Variants in P2RY14 observed in about 807,000 individuals in gnomAD.
The protein encoded by P2RY14 is P2Y purinoceptor 14.
Under a neutral mutation model 0.9 loss-of-function variants are expected in P2RY14, and 2 were observed. The observed-to-expected ratio is 2.16, with a 90% CI of 0.88 to 6.79. P2RY14 has a LOEUF of 6.79. Ranked by LOEUF, P2RY14 falls within the 30% of genes most tolerant of loss-of-function variation. P2RY14 has a pLI of 0.05. For synonymous variants in P2RY14, 158 were observed against 147.2 expected, an observed-to-expected ratio of 1.07 and a Z score of -0.53; for missense variants, 378 against 400.1, an observed-to-expected ratio of 0.94 and a Z score of 0.47.
intron 1 of P2RY14, among the ~76,000 whole-genome samples, chr3:151,242,233 A>C (rs1316423664): frequency 6.6e-6 from 1 of 152,250 alleles, no homozygotes; most frequent in Non-Finnish European, 1.5e-5. Flanking sequence ...GATTAGGTAA[A>C]CAAAGCAGCC....
chr3:151,214,617 CTCTTCCT>C (rs1053432164), intron 2 of P2RY14, among the ~76,000 whole-genome samples: 1 of 149,686 alleles, frequency 6.7e-6, no homozygotes, highest in African/African-American at 2.5e-5. Context: ...CTTTTCCCTC[CTCTTCCT>C]TCTTCCTTTT....
At chr3:151,222,818 A>T (rs923311471) in intron 1 of P2RY14, among the ~76,000 whole-genome samples, 1 of 152,166 alleles carries the variant, frequency 6.6e-6, no homozygotes, top group Non-Finnish European at 1.5e-5. Context: ...AAAGGTGATG[A>T]TGGTAAAATA....
chr3:151,230,164 C>T (rs541272327), intron 1 of P2RY14, among the ~76,000 whole-genome samples: 6 of 152,104 alleles, frequency 3.9e-5, no homozygotes, highest in African/African-American at 1.2e-4. Flanking sequence ...TTAGTAGAGA[C>T]GGGATTTCAC....
At chr3:151,266,788 A>G (rs1360853869) in intron 1 of P2RY14, among the ~76,000 whole-genome samples, 3 of 152,194 alleles carry the variant, frequency 2.0e-5, no homozygotes, top group African/African-American at 7.2e-5. Flanking sequence ...AAGAAAGACT[A>G]AGGTCAGAGC....
intron 1 of P2RY14, among the ~76,000 whole-genome samples, chr3:151,227,404 G>C (rs1027178260): frequency 3.3e-5 from 5 of 151,898 alleles, no homozygotes; most frequent in South Asian, 2.1e-4. Context: ...TCTTGATTAT[G>C]TGTGAGAATG....
intron 1 of P2RY14, among the ~76,000 whole-genome samples, chr3:151,278,049 T>C (rs576136660): frequency 1.4e-4 from 22 of 152,238 alleles, no homozygotes; most frequent in Non-Finnish European, 2.9e-4. Context: ...ACAGCCACGA[T>C]TGGAAATCCT....
chr3:151,266,174 G>A (rs1430485463), intron 1 of P2RY14, among the ~76,000 whole-genome samples: 1 of 152,162 alleles, frequency 6.6e-6, no homozygotes, highest in Non-Finnish European at 1.5e-5. Context: ...TGATGCTGCT[G>A]CCTCTGTGCC....
At chr3:151,277,120 A>G (rs1314401126) in intron 1 of P2RY14, among the ~76,000 whole-genome samples, 1 of 151,534 alleles carries the variant, frequency 6.6e-6, no homozygotes, top group African/African-American at 2.4e-5. Flanking sequence ...GCTGGTCTTG[A>G]ACTCCTGACC....
chr3:151,258,087 T>G (rs1412358626), intron 1 of P2RY14, among the ~76,000 whole-genome samples: 1 of 152,214 alleles, frequency 6.6e-6, no homozygotes, highest in African/African-American at 2.4e-5. Context: ...CATTCCAATC[T>G]GTGGGTCCCT....
At chr3:151,238,080 G>A (rs940030592) in intron 1 of P2RY14, among the ~76,000 whole-genome samples, 8 of 152,080 alleles carry the variant, frequency 5.3e-5, no homozygotes, top group Admixed American at 4.6e-4. Context: ...TCTAACTAGT[G>A]CTTTTTGTAT....
chr3:151,267,054 T>C (rs1401175655), intron 1 of P2RY14, among the ~76,000 whole-genome samples: 1 of 152,220 alleles, frequency 6.6e-6, no homozygotes, highest in Admixed American at 6.5e-5. Flanking sequence ...TTTTCCTAAT[T>C]TAAAATTGTC....
At chr3:151,230,891 A>G (rs560981850) in intron 1 of P2RY14, among the ~76,000 whole-genome samples, 71 of 152,310 alleles carry the variant, frequency 4.7e-4, no homozygotes, top group Non-Finnish European at 8.2e-4. Flanking sequence ...CTGAAAGGAA[A>G]CAGGGCTCCT....
chr3:151,266,765 G>A (rs919456362), intron 1 of P2RY14, among the ~76,000 whole-genome samples: 29 of 152,204 alleles, frequency 1.9e-4, no homozygotes, highest in African/African-American at 6.5e-4. Flanking sequence ...GAAATAGTTA[G>A]CTGCCTGGTA....
intron 1 of P2RY14, among the ~76,000 whole-genome samples, chr3:151,243,116 T>C (rs897987194): frequency 6.6e-6 from 1 of 151,778 alleles, no homozygotes; most frequent in African/African-American, 2.4e-5. Context: ...TGGGGCTGTG[T>C]GAAAAGACCA....
At chr3:151,266,964 A>G (rs1179960315) in intron 1 of P2RY14, among the ~76,000 whole-genome samples, 2 of 152,144 alleles carry the variant, frequency 1.3e-5, no homozygotes, top group Non-Finnish European at 2.9e-5. Context: ...TATGGTTTAA[A>G]ATGGATTTTA....
At chr3:151,262,855 C>T (rs1212230394) in intron 1 of P2RY14, among the ~76,000 whole-genome samples, 1 of 152,048 alleles carries the variant, frequency 6.6e-6, no homozygotes, top group Non-Finnish European at 1.5e-5. Context: ...AAAGTAAGTC[C>T]TGTTAACGTC....
chr3:151,225,516 A>G (rs908803197), intron 1 of P2RY14, among the ~76,000 whole-genome samples: 1 of 152,314 alleles, frequency 6.6e-6, no homozygotes, highest in Non-Finnish European at 1.5e-5. Context: ...CTTTGCTATC[A>G]TGATCTAATC....
chr3:151,229,959 C>T (rs1731306335), intron 1 of P2RY14, among the ~76,000 whole-genome samples: 1 of 151,828 alleles, frequency 6.6e-6, no homozygotes, highest in Non-Finnish European at 1.5e-5. Context: ...ATGTTGGGAT[C>T]TGTTTTTTTG....
intron 2 of P2RY14, 27 bp downstream of exon 2, chr3:151,219,508 T>C (rs936044524): frequency 6.6e-6 from 1 of 152,216 alleles, no homozygotes; most frequent in African/African-American, 2.4e-5. Context: ...AAGCTCTTGA[T>C]AATACTTGAG....
Sources: gnomAD v4.1 joint callset for allele counts (sites outside exome capture counted in the v4.1 genomes callset) on GRCh38, gnomAD v4.1.1 for gene constraint, MANE v1.5 for transcripts, NCBI Gene and HGNC (gene_info 2026-07-23, HGNC 2026-07-21) for gene names.